DENND3: variants seen among roughly 807,000 people sequenced by gnomAD.
DENND3 encodes DENN domain containing 3.
In DENND3, 88 loss-of-function variants were observed where a neutral mutation model predicts 135.1. The observed-to-expected ratio is 0.65, with a 90% CI of 0.55 to 0.78. The LOEUF is 0.78. Among genes scored for constraint, DENND3 ranks in the 30% least tolerant of loss-of-function variants. The pLI, the probability that DENND3 is intolerant of heterozygous loss-of-function variation, is 0.00. For synonymous variants in DENND3, 693 were observed against 712.3 expected (o/e 0.97, Z 0.43); for missense variants, 1,392 against 1,688.4 (o/e 0.82, Z 3.08).
chr8:141,142,456 T>G (rs1294096099), intron 4 of DENND3: 2 of 453,954 alleles, frequency 4.4e-6, no homozygotes, highest in East Asian at 1.4e-4. Flanking sequence ...CCATGGAGAG[T>G]GAGCAGGAAC....
chr8:141,189,184 C>G, intron 19 of DENND3, 38 bp downstream of exon 19: 3 of 1,613,442 alleles, frequency 1.9e-6, no homozygotes, highest in Non-Finnish European at 2.5e-6. Flanking sequence ...GACTGTTTGG[C>G]TTGTGGGTGG....
chr8:141,157,800 C>T lies in DENND3; in HGVS notation c.1196+1830C>T, dbSNP rs970649972. 1.7e-5 allele frequency: 17 copies of T among 980,360 alleles called. No individual in the cohort carries two copies. The African/African-American group carries it at 2.7e-4, about 15-fold the overall frequency. 60.7% of individuals were successfully genotyped at this position (980,360 alleles called of 1,614,324 possible). A position where few individuals can be genotyped will look rare whatever the true frequency, so the allele number is the denominator to read the frequency against. ...TTGGAGACAGGGTCTTGCTCTGTCA[C>T]CCAGGCTGGGGTGCAGTGGCGTGAT... On this transcript the variant is annotated intron_variant, in intron 8 of 22. Coordinates refer to ENST00000519811, the MANE Select transcript of DENND3 (RefSeq NM_001352890.3).
rs376275214 is a variant in DENND3, at chr8:141,167,159, C to T, written c.1753+770C>T. Among the ~76,000 whole-genome samples the T allele has an allele frequency of 2.0e-4, 30 of 152,292 alleles. No individual in the cohort carries two copies. The highest frequency in any genetic ancestry group is 7.0e-4 in the African/African-American group (29 of 41,560). ...GACCACGTTGTCTTTATCGGCTGAGCGCTGGAGCTCAGAGCGAACATTCTG... is the reference window on the plus strand; with the variant it reads ...GACCACGTTGTCTTTATCGGCTGAGTGCTGGAGCTCAGAGCGAACATTCTG... On this transcript the variant is annotated intron_variant, in intron 12 of 22. Coordinates refer to ENST00000519811, the MANE Select transcript of DENND3 (RefSeq NM_001352890.3). The surrounding 1 kb of genome is among the most constrained non-coding windows in gnomAD (Gnocchi z 4.1).
In DENND3 at chr8:141,178,242, G is replaced by A. The variant is rs749100415; in HGVS notation, c.2836+46G>A. On this transcript the variant is annotated intron_variant, in intron 16 of 22. Transcript: ENST00000519811. Reference sequence around the variant, plus strand: ...GCGTGGATCATTGTCCTGATTACACGCCTTAAGTGATTTTATCTGGTCGAT... The same window carrying A: ...GCGTGGATCATTGTCCTGATTACACACCTTAAGTGATTTTATCTGGTCGAT... 25 of 1,572,778 alleles carry A rather than the reference G, an allele frequency of 1.6e-5. No homozygotes were observed. In the Middle Eastern group the frequency reaches 5.1e-4, roughly 32 times the overall value.
At chr8:141,180,949 C>A in intron 17 of DENND3, 95 bp downstream of exon 17, 3 of 974,984 alleles carry the variant, frequency 3.1e-6, no homozygotes, top group South Asian at 1.7e-5. Flanking sequence ...GAAAGGGGAG[C>A]CAGTGTCACG....
At position 141,141,537 on chromosome 8, in the gene DENND3, T is replaced by A; in HGVS notation, c.623+213T>A. On this transcript the variant is annotated intron_variant, in intron 4 of 22. Transcript: ENST00000519811. This position sits in a 1 kb window ranked among gnomAD's most constrained non-coding sequence, Gnocchi z 5.3. ...AAGGCTGGGGGCAGTGGGCAGGGGG[T>A]GTGGCAGCGGGCGCTCCTCTCTGTG... 1 of 486,054 alleles carries A rather than the reference T, an allele frequency of 2.1e-6. No individual in the cohort carries two copies. The highest frequency in any genetic ancestry group is 3.7e-6 in the Non-Finnish European group (1 of 271,452). The allele number at this position is 486,054 out of a possible 1,614,324, so 30.1% of individuals were successfully genotyped here.
chr8:141,180,370 T>A (rs76024448), intron 16 of DENND3, among the ~76,000 whole-genome samples: 4,166 of 152,226 alleles, frequency 0.027, 103 homozygotes, highest in Non-Finnish European at 0.042. Flanking sequence ...TTGAGGAGAA[T>A]TTTATATCTC....
intron 16 of DENND3, among the ~76,000 whole-genome samples, chr8:141,180,123 G>A (rs990882937): frequency 1.3e-5 from 2 of 152,174 alleles, no homozygotes; most frequent in African/African-American, 4.8e-5. Flanking sequence ...GGTTTTGAAC[G>A]GGGGGCGATG....
chr8:141,153,410 T>C (rs1292140013), intron 7 of DENND3, among the ~76,000 whole-genome samples: 1 of 152,214 alleles, frequency 6.6e-6, no homozygotes, highest in Non-Finnish European at 1.5e-5. Context: ...TGAAAATTTC[T>C]AAGTGTGCAC....
rs567338041 is a variant in DENND3 at position 141,194,086 on chromosome 8, C to T, written c.3690C>T (p.Tyr1230=). The part of the protein sequence containing the change: ...LGQGTPKGKI[Y]VIDAERKTVE... ...AGGGAACACCCAAGGGGAAAATCTA[C>T]GTGATTGACGCCGAGAGGAAGACCG... is the stretch of plus-strand genomic sequence containing the variant. Residue 1230 remains tyrosine (Y), a synonymous_variant, in exon 23 of 23, where the codon TAC becomes TAT. Transcript: ENST00000519811. The T allele has an allele frequency of 7.4e-6, 12 of 1,613,942 alleles. No individual in the cohort carries two copies. Among genetic ancestry groups the T allele is most frequent in the African/African-American group, 6.7e-5 (5 of 75,048 alleles).
intron 17 of DENND3, 197 bp from the exon 18 acceptor site, chr8:141,184,942 C>T: frequency 3.4e-6 from 2 of 590,858 alleles, no homozygotes; most frequent in Non-Finnish European, 5.7e-6. Flanking sequence ...GCCCTCTCAC[C>T]AGCCAGCTGC....
chr8:141,154,554 C>CT lies in DENND3; in HGVS notation c.1075-1285dup, dbSNP rs566088939. Among the ~76,000 whole-genome samples, 151 of 147,906 alleles carry CT rather than the reference C, an allele frequency of 1.0e-3. 1 individual carries two copies. In the South Asian group the frequency reaches 0.012, roughly 12 times the overall value. ...CCTTGTCAACAACATGTATTGGAAT[C>CT]TTTTTTTTTTCTTTTTTTTTTTTGT... On this transcript the variant is annotated intron_variant, in intron 7 of 22. Transcript: ENST00000519811. This position sits in a 1 kb window ranked among gnomAD's most constrained non-coding sequence, Gnocchi z 4.4.
chr8:141,146,234 A>G lies in DENND3; in HGVS notation c.735+1975A>G, dbSNP rs2154612856. ...GTTTTATATTTTTTGTTACTCTTAG[A>G]TGTAGTGCTGTGTTACTTAATGAAC... On this transcript the variant is annotated intron_variant, in intron 5 of 22. Transcript: ENST00000519811. The surrounding 1 kb of genome is among the most constrained non-coding windows in gnomAD (Gnocchi z 4.3). 2.6e-5 allele frequency among the ~76,000 whole-genome samples: 4 copies of G among 152,200 alleles called. No homozygotes were observed. In the South Asian group the frequency reaches 8.3e-4, roughly 32 times the overall value.
chr8:141,177,915 C>G, intron 15 of DENND3, 152 bp from the exon 16 acceptor site: 1 of 948,544 alleles, frequency 1.1e-6, no homozygotes, highest in Admixed American at 3.3e-5. Context: ...AAATATATGA[C>G]ATAAAATCCA....
intron 13 of DENND3, among the ~76,000 whole-genome samples, chr8:141,170,665 C>A (rs1821432024): frequency 6.6e-6 from 1 of 152,200 alleles, no homozygotes; most frequent in African/African-American, 2.4e-5. Context: ...GCGGGGTGGG[C>A]CCCACTTCCA....
rs1171115861 is a variant in DENND3, at chr8:141,144,860, C to T, written c.735+601C>T. Among the ~76,000 whole-genome samples, 2 of 152,212 alleles carry T rather than the reference C, an allele frequency of 1.3e-5. No individual in the cohort carries two copies. The highest frequency in any genetic ancestry group is 2.9e-5 in the Non-Finnish European group (2 of 68,040). ...CTACAAACCATAAGAGCTCCTTAAA[C>T]AGGTATAATGTAGCTTACTTTCCAA... On this transcript the variant is annotated intron_variant, in intron 5 of 22. Coordinates refer to ENST00000519811, the MANE Select transcript of DENND3 (RefSeq NM_001352890.3). The surrounding 1 kb of genome is among the most constrained non-coding windows in gnomAD (Gnocchi z 4.4).
intron 1 of DENND3, 81 bp from the exon 2 acceptor site, chr8:141,136,428 A>G (rs1056864878): frequency 7.3e-7 from 1 of 1,378,298 alleles, no homozygotes; most frequent in Non-Finnish European, 9.6e-7. Flanking sequence ...GAGAAAAACA[A>G]GCAGTGAAGC....
chr8:141,175,583 A>C lies in DENND3; in HGVS notation c.2535+124A>C. 6.9e-7 allele frequency: 1 copy of C among 1,456,980 alleles called. No homozygotes were observed. The highest frequency in any genetic ancestry group is 9.5e-7 in the Non-Finnish European group (1 of 1,054,682). 90.3% of individuals were successfully genotyped at this position (1,456,980 alleles called of 1,614,324 possible). On this transcript the variant is annotated intron_variant, in intron 14 of 22. Transcript: ENST00000519811. The surrounding 1 kb of genome is among the most constrained non-coding windows in gnomAD (Gnocchi z 5.4). ...CAGCTGCAGCCCTTCTGCAGACCGAATGCCTTCCTGTCCCTCAGTTTGCTC... is the reference window on the plus strand; with the variant it reads ...CAGCTGCAGCCCTTCTGCAGACCGACTGCCTTCCTGTCCCTCAGTTTGCTC...
In DENND3 at chr8:141,128,815, G is replaced by T; in HGVS notation, c.102+6G>T. 7.1e-7 allele frequency: 1 copy of T among 1,408,190 alleles called. No individual in the cohort carries two copies. The highest frequency in any genetic ancestry group is 9.3e-7 in the Non-Finnish European group (1 of 1,075,268). The allele number at this position is 1,408,190 out of a possible 1,614,324, so 87.2% of individuals were successfully genotyped here. On this transcript the variant is annotated splice_donor_region_variant and intron_variant, in intron 1 of 22. Coordinates refer to ENST00000519811, the MANE Select transcript of DENND3 (RefSeq NM_001352890.3). This position sits in a 1 kb window ranked among gnomAD's most constrained non-coding sequence, Gnocchi z 4.5. ...GTCTCCGAAGTCTCGAGCAGGTGAG[G>T]GGCGGGGAAACTGAGGCGGACGTGG... is the stretch of plus-strand genomic sequence containing the variant.
Sources: gnomAD v4.1 joint callset for allele counts (sites outside exome capture counted in the v4.1 genomes callset) on GRCh38, gnomAD v4.1.1 for gene constraint, Gnocchi (gnomAD v3.1) non-coding constraint, MANE v1.5 for transcripts, NCBI Gene and HGNC (gene_info 2026-07-23, HGNC 2026-07-21) for gene names.